GRK4: variants seen among roughly 807,000 people sequenced by gnomAD.
The protein encoded by GRK4 is G protein-coupled receptor kinase 2-like.
Under a neutral mutation model 77.9 loss-of-function variants are expected in GRK4, and 73 were observed. The observed-to-expected ratio is 0.94, with a 90% CI of 0.78 to 1.14. GRK4 has a LOEUF of 1.14. Ranked by LOEUF, GRK4 falls within the 50% of genes most tolerant of loss-of-function variation. The pLI is 0.00. For missense variants in GRK4, 729 were observed against 700.2 expected (o/e 1.04, Z -0.46); for synonymous variants, 257 against 254.4 (o/e 1.01, Z -0.10).
At chr4:3,016,725 A>AT (rs1734646842) in intron 8 of GRK4, among the ~76,000 whole-genome samples, 1 of 151,844 alleles carries the variant, frequency 6.6e-6, no homozygotes, top group African/African-American at 2.4e-5. Flanking sequence ...CAAAAAAAAA[A>AT]ATACAAAAAA....
At chr4:2,988,371 T>A (rs148197579) in intron 2 of GRK4, among the ~76,000 whole-genome samples, 325 of 152,312 alleles carry the variant, frequency 2.1e-3, no homozygotes, top group African/African-American at 7.0e-3. Flanking sequence ...TTTAGAGAAA[T>A]GTCTGTTCCA....
intron 1 of GRK4, among the ~76,000 whole-genome samples, chr4:2,976,714 C>T (rs1721299974): frequency 6.8e-6 from 1 of 147,878 alleles, no homozygotes; most frequent in Non-Finnish European, 1.5e-5. Flanking sequence ...GATCCCAGCT[C>T]ACCACAACCT....
At chr4:2,975,994 GT>G (rs1721033487) in intron 1 of GRK4, among the ~76,000 whole-genome samples, 1 of 152,138 alleles carries the variant, frequency 6.6e-6, no homozygotes, top group Admixed American at 6.6e-5. Context: ...AAACAGGCCG[GT>G]TTTAGCCAGC....
intron 12 of GRK4, among the ~76,000 whole-genome samples, chr4:3,034,936 C>A (rs1004033865): frequency 6.6e-6 from 1 of 152,142 alleles, no homozygotes; most frequent in Non-Finnish European, 1.5e-5. Flanking sequence ...GTCTGAGTTC[C>A]TGAGGTCTGC....
At chr4:3,039,344 G>A (rs1741752793) in intron 15 of GRK4, among the ~76,000 whole-genome samples, 1 of 152,132 alleles carries the variant, frequency 6.6e-6, no homozygotes, top group Non-Finnish European at 1.5e-5. Context: ...TGCACCCTGT[G>A]TGTTCCCAGG....
chr4:3,030,614 G>A (rs1021955453), intron 12 of GRK4, among the ~76,000 whole-genome samples: 61 of 152,020 alleles, frequency 4.0e-4, no homozygotes, highest in African/African-American at 1.4e-3. Flanking sequence ...TGGAGGACGG[G>A]GAACTGCCTG....
chr4:2,979,765 G>C (rs1722331280), intron 1 of GRK4, among the ~76,000 whole-genome samples: 1 of 152,176 alleles, frequency 6.6e-6, no homozygotes, highest in South Asian at 2.1e-4. Flanking sequence ...TGTGGTCCCA[G>C]CTGCTGAGGA....
In GRK4 at chr4:2,992,796, T is replaced by G. The variant is rs937419950; in HGVS notation, c.339+504T>G. On this transcript the variant is annotated intron_variant, in intron 4 of 15. Transcript: ENST00000398052. ...AGGAGTTCAAAACCAACCTGGGCAA[T>G]ATGGCAAAACCGCATTGCTACAAAA... is the stretch of plus-strand genomic sequence containing the variant. Among the ~76,000 whole-genome samples the G allele has an allele frequency of 2.0e-5, 3 of 151,442 alleles. No homozygotes were observed. The East Asian group carries it at 5.8e-4, about 29-fold the overall frequency.
At chr4:3,037,268 T>A in intron 13 of GRK4, 106 bp from the exon 14 acceptor site, 1 of 1,052,362 alleles carries the variant, frequency 9.5e-7, no homozygotes, top group South Asian at 1.8e-5. Flanking sequence ...ACAGGGAGAG[T>A]GGCGGTGTTT....
At chr4:3,032,690 CATTT>C (rs1739499458) in intron 12 of GRK4, among the ~76,000 whole-genome samples, 1 of 152,146 alleles carries the variant, frequency 6.6e-6, no homozygotes, top group South Asian at 2.1e-4. Flanking sequence ...CTCAGTTTCT[CATTT>C]ATGAAATGTA....
chr4:3,031,297 C>G (rs1212752765), intron 12 of GRK4, among the ~76,000 whole-genome samples: 1 of 152,116 alleles, frequency 6.6e-6, no homozygotes, highest in East Asian at 1.9e-4. Context: ...GATGGTCAGC[C>G]CCTAGTGGGG....
intron 2 of GRK4, chr4:2,985,694 A>G: frequency 3.5e-6 from 1 of 288,952 alleles, no homozygotes; most frequent in African/African-American, 2.3e-5. Context: ...TCCTAACATG[A>G]GCCTAAGGAG....
intron 4 of GRK4, among the ~76,000 whole-genome samples, chr4:2,993,519 CA>C (rs1335305072): frequency 6.6e-6 from 1 of 152,052 alleles, no homozygotes; most frequent in Non-Finnish European, 1.5e-5. Flanking sequence ...ACTAAAAATA[CA>C]AAAATTAGCC....
At chr4:3,039,698 TAAAAA>T (rs10672202) in intron 15 of GRK4, among the ~76,000 whole-genome samples, 12 of 115,220 alleles carry the variant, frequency 1.0e-4, no homozygotes, top group Non-Finnish European at 1.6e-4. Context: ...AACTCTGTCT[TAAAAA>T]AAAAAAAAAA....
rs192519054 is a variant in GRK4, at chr4:2,990,180, G to T, written c.261+1341G>T. 5.3e-3 allele frequency among the ~76,000 whole-genome samples: 793 copies of T among 149,570 alleles called. 5 individuals carry two copies. The highest frequency in any genetic ancestry group is 7.8e-3 in the Non-Finnish European group (528 of 67,558). On this transcript the variant is annotated intron_variant, in intron 3 of 15. Transcript: ENST00000398052. ...TTTTGTTGTTTGCTTCCTTCCCTCA[G>T]ATCTCTCCCAGTCCTTTCCTTTCTG...
intron 7 of GRK4, among the ~76,000 whole-genome samples, chr4:3,011,010 C>G (rs544566179): frequency 4.1e-4 from 63 of 152,266 alleles, no homozygotes; most frequent in African/African-American, 1.5e-3. Flanking sequence ...TGCTCTAATC[C>G]CTCCATGATA....
chr4:3,001,494 G>A (rs1355999129), intron 4 of GRK4, among the ~76,000 whole-genome samples: 1 of 151,418 alleles, frequency 6.6e-6, no homozygotes, highest in Admixed American at 6.6e-5. Context: ...AGCCTCCTGA[G>A]TAGCTGAGAT....
At chr4:3,035,286 C>A in intron 12 of GRK4, 100 bp from the exon 13 acceptor site, 2 of 1,177,842 alleles carry the variant, frequency 1.7e-6, no homozygotes, top group Non-Finnish European at 2.5e-6. Context: ...GATGCACCTG[C>A]TCTGCCCTCC....
chr4:2,973,546 A>G (rs1374562671), intron 1 of GRK4, among the ~76,000 whole-genome samples: 1 of 152,080 alleles, frequency 6.6e-6, no homozygotes, highest in African/African-American at 2.4e-5. Flanking sequence ...CGATGTTTCC[A>G]TCTGCACCTC....
Sources: gnomAD v4.1 joint callset for allele counts (sites outside exome capture counted in the v4.1 genomes callset) on GRCh38, gnomAD v4.1.1 for gene constraint, MANE v1.5 for transcripts, NCBI Gene and HGNC (gene_info 2026-07-23, HGNC 2026-07-21) for gene names.